Variants in SLC14A2 observed in about 807,000 individuals in gnomAD.
SLC14A2 encodes the protein urea transporter 2.
SLC14A2 carries 91 observed loss-of-function variants against 104.6 expected under a neutral mutation model. That is an observed-to-expected ratio of 0.87 (90% CI 0.73 to 1.04). The LOEUF is 1.04. SLC14A2 is among the 50% of genes least tolerant of loss of function. The probability of loss-of-function intolerance (pLI) is 0.00; values close to 1 mark genes in which losing one functional copy is unlikely to be tolerated. For synonymous variants in SLC14A2, 476 were observed against 466.4 expected (o/e 1.02, Z -0.27); for missense variants, 1,189 against 1,156.0 (o/e 1.03, Z -0.41).
intron 1 of SLC14A2, among the ~76,000 whole-genome samples, chr18:45,345,666 T>C (rs921216879): frequency 6.6e-6 from 1 of 152,222 alleles, no homozygotes. Flanking sequence ...TATCCAGATC[T>C]ATCAATCTCT....
At chr18:45,282,602 G>T (rs962761490) in intron 1 of SLC14A2, among the ~76,000 whole-genome samples, 5 of 152,106 alleles carry the variant, frequency 3.3e-5, no homozygotes, top group Admixed American at 6.5e-5. Context: ...GCAATGCTGG[G>T]GCCAGGCTTA....
chr18:45,414,158 T>C (rs2086244057), intron 1 of SLC14A2, among the ~76,000 whole-genome samples: 2 of 152,228 alleles, frequency 1.3e-5, no homozygotes, highest in Non-Finnish European at 2.9e-5. Context: ...TGGAAAACTC[T>C]GATTTATTAT....
chr18:45,272,898 C>T (rs2084665292), intron 1 of SLC14A2, among the ~76,000 whole-genome samples: 1 of 152,018 alleles, frequency 6.6e-6, no homozygotes, highest in Admixed American at 6.6e-5. Context: ...TGTGCACACA[C>T]AAAAATTTTT....
At chr18:45,648,649 T>A (rs1236031271) in intron 10 of SLC14A2, among the ~76,000 whole-genome samples, 2 of 152,232 alleles carry the variant, frequency 1.3e-5, no homozygotes, top group Non-Finnish European at 2.9e-5. Context: ...CTATATTTTT[T>A]AAAAATAACA....
intron 2 of SLC14A2, among the ~76,000 whole-genome samples, chr18:45,574,999 A>C (rs1454801703): frequency 1.3e-5 from 2 of 152,188 alleles, no homozygotes; most frequent in Non-Finnish European, 2.9e-5. Flanking sequence ...AGCAAGGAGG[A>C]GCTCTGTCCA....
intron 1 of SLC14A2, among the ~76,000 whole-genome samples, chr18:45,345,109 A>G (rs2085434688): frequency 6.6e-6 from 1 of 152,132 alleles, no homozygotes; most frequent in South Asian, 2.1e-4. Context: ...TTCCTTGTGC[A>G]TTCTTGTTCA....
At chr18:45,414,939 A>T (rs1035197924) in intron 1 of SLC14A2, among the ~76,000 whole-genome samples, 1 of 151,656 alleles carries the variant, frequency 6.6e-6, no homozygotes, top group African/African-American at 2.4e-5. Context: ...GCAGAGTCCG[A>T]TCAGCTTCTT....
chr18:45,660,261 A>G (rs185078095), intron 10 of SLC14A2, among the ~76,000 whole-genome samples: 33 of 152,196 alleles, frequency 2.2e-4, no homozygotes, highest in Middle Eastern at 3.2e-3. Context: ...GCTGTCAAAG[A>G]TCTCACCATC....
chr18:45,682,631 C>A lies in SLC14A2; in HGVS notation c.*112C>A. 1 of 836,110 alleles carries A rather than the reference C, an allele frequency of 1.2e-6. No individual in the cohort carries two copies. 51.8% of individuals were successfully genotyped at this position (836,110 alleles called of 1,614,324 possible). On this transcript the variant is annotated 3_prime_UTR_variant, in exon 20 of 20. Transcript: ENST00000255226. ...TTTGGTCTGTTCTGTGACTCTCTCC[C>A]CAAACACAAAGAAGCGTGTATGTAG...
upstream of SLC14A2, among the ~76,000 whole-genome samples, chr18:45,611,908 C>T (rs2044978513): frequency 6.6e-6 from 1 of 152,180 alleles, no homozygotes; most frequent in Admixed American, 6.5e-5. Flanking sequence ...TATAAAATAC[C>T]ATGTGCATGG....
chr18:45,232,965 C>G (rs764454715), intron 1 of SLC14A2, among the ~76,000 whole-genome samples: 1 of 152,202 alleles, frequency 6.6e-6, no homozygotes, highest in Non-Finnish European at 1.5e-5. Context: ...TTCTTGCACC[C>G]CAATTTTTCT....
intron 1 of SLC14A2, among the ~76,000 whole-genome samples, chr18:45,278,176 AC>A (rs1335789987): frequency 3.3e-5 from 5 of 152,218 alleles, no homozygotes; most frequent in Non-Finnish European, 5.9e-5. Context: ...TGAATCAATG[AC>A]TTCCTCATAG....
At chr18:45,612,858 G>C (rs544194222), upstream of SLC14A2, among the ~76,000 whole-genome samples, 5 of 152,278 alleles carry the variant, frequency 3.3e-5, no homozygotes, top group South Asian at 1.0e-3. Flanking sequence ...TTTTATAAGT[G>C]TTTGGCAAGT....
chr18:45,374,739 C>T (rs982312457), intron 1 of SLC14A2, among the ~76,000 whole-genome samples: 2 of 152,180 alleles, frequency 1.3e-5, no homozygotes, highest in African/African-American at 4.8e-5. Context: ...ACTTTGTACT[C>T]CCTCCTCTAC....
the SLC14A2 span, among the ~76,000 whole-genome samples, chr18:45,203,868 C>T: frequency 9.8e-5 from 15 of 152,324 alleles, no homozygotes; most frequent in African/African-American, 2.9e-4. Context: ...TTTCACCTGA[C>T]AGAATGAGTG....
At chr18:45,601,565 A>T (rs1470033218) in intron 2 of SLC14A2, among the ~76,000 whole-genome samples, 1 of 152,246 alleles carries the variant, frequency 6.6e-6, no homozygotes, top group Non-Finnish European at 1.5e-5. Context: ...TGACTTTGTC[A>T]TCTTAATTCC....
chr18:45,582,497 T>C (rs952688802), intron 2 of SLC14A2, among the ~76,000 whole-genome samples: 6 of 151,742 alleles, frequency 4.0e-5, no homozygotes, highest in African/African-American at 1.4e-4. Flanking sequence ...TAAAAAAAAA[T>C]TCATTTCAAG....
intron 18 of SLC14A2, among the ~76,000 whole-genome samples, chr18:45,678,029 G>C (rs1191224405): frequency 6.6e-6 from 1 of 152,208 alleles, no homozygotes; most frequent in East Asian, 1.9e-4. Context: ...TTGTTGCCCA[G>C]ACTGGTCTCA....
intron 2 of SLC14A2, chr18:45,493,372 A>G (rs1483484235): frequency 1.3e-5 from 2 of 152,254 alleles, no homozygotes; most frequent in African/African-American, 2.4e-5. Flanking sequence ...ACATAGTTAG[A>G]AAAGATAATA....
Sources: allele counts gnomAD v4.1 joint callset (sites outside exome capture counted in the v4.1 genomes callset), GRCh38; gene constraint gnomAD v4.1.1; transcripts MANE v1.5; gene names NCBI Gene and HGNC (gene_info 2026-07-23, HGNC 2026-07-21).